The following PALLD variants were observed in gnomAD, a reference collection of about 807,000 sequenced individuals.
PALLD encodes palladin, cytoskeletal associated protein, also known as palladin.
In PALLD, 61 loss-of-function variants were observed where a neutral mutation model predicts 123.5. That is an observed-to-expected ratio of 0.49 (90% CI 0.40 to 0.61). The LOEUF (loss-of-function observed/expected upper bound fraction) is 0.61, where lower values mean the gene tolerates loss of function less well. PALLD is among the 20% of genes least tolerant of loss of function. PALLD has a pLI of 0.00. For missense variants in PALLD, 1,273 were observed against 1,377.0 expected, an observed-to-expected ratio of 0.92 and a Z score of 1.20; for synonymous variants, 465 against 496.4, an observed-to-expected ratio of 0.94 and a Z score of 0.84.
intron 10 of PALLD, among the ~76,000 whole-genome samples, chr4:168,857,145 T>C (rs1748726043): frequency 6.6e-6 from 1 of 152,204 alleles, no homozygotes; most frequent in Non-Finnish European, 1.5e-5. Context: ...TTCCTCGCCC[T>C]CCATGTTTTC....
In PALLD at chr4:168,921,752, CTG is replaced by C; in HGVS notation, c.3058+14_3058+15del. On this transcript the variant is annotated intron_variant, in intron 18 of 21. Coordinates refer to ENST00000505667, the MANE Select transcript of PALLD (RefSeq NM_001166108.2). The stretch of plus-strand genomic sequence containing the variant: ...AGCTTGTGGTTGCTGGTAGGCTCAT[CTG>C]TGAATCCTTGCTCTCTGACAGAATG... 6.3e-7 allele frequency: 1 copy of C among 1,597,674 alleles called. No homozygotes were observed. The highest frequency in any genetic ancestry group is 2.2e-5 in the East Asian group (1 of 44,770).
At chr4:168,925,975 A>AGAT (rs1491469881) in intron 21 of PALLD, among the ~76,000 whole-genome samples, 1 of 152,126 alleles carries the variant, frequency 6.6e-6, no homozygotes, top group African/African-American at 2.4e-5. Context: ...AAAAAAAAAA[A>AGAT]AGATAAACTA....
intron 10 of PALLD, among the ~76,000 whole-genome samples, chr4:168,760,058 A>G (rs1191099152): frequency 6.6e-6 from 1 of 152,042 alleles, no homozygotes; most frequent in Non-Finnish European, 1.5e-5. Flanking sequence ...AAAAAAAAAA[A>G]AAAAATTTAT....
At chr4:168,756,051 C>T (rs1051889679) in intron 10 of PALLD, 1 of 169,892 alleles carries the variant, frequency 5.9e-6, no homozygotes, top group Non-Finnish European at 1.3e-5. Context: ...AGAAGATGAT[C>T]AAGGGCGTTA....
chr4:168,553,604 T>C (rs1224073531), intron 2 of PALLD, among the ~76,000 whole-genome samples: 3 of 152,138 alleles, frequency 2.0e-5, no homozygotes, highest in Non-Finnish European at 4.4e-5. Context: ...CTGGGGTGAA[T>C]TAGACTGAAC....
At chr4:168,801,973 A>T (rs1289807952) in intron 10 of PALLD, among the ~76,000 whole-genome samples, 1 of 152,240 alleles carries the variant, frequency 6.6e-6, no homozygotes, top group Admixed American at 6.5e-5. Flanking sequence ...AGATAGGCTG[A>T]GAAAAGTAGT....
intron 10 of PALLD, 149 bp downstream of exon 10, chr4:168,712,072 T>C: frequency 1.5e-6 from 1 of 677,602 alleles, no homozygotes; most frequent in Admixed American, 2.4e-5. Flanking sequence ...CTTTCAACAA[T>C]ATAAAAGACA....
intron 10 of PALLD, among the ~76,000 whole-genome samples, chr4:168,807,999 C>T (rs962699280): frequency 1.3e-5 from 2 of 152,160 alleles, no homozygotes; most frequent in Admixed American, 1.3e-4. Context: ...AGCCACTGTG[C>T]CTGGCCCAGA....
intron 10 of PALLD, among the ~76,000 whole-genome samples, chr4:168,740,158 T>C (rs916267708): frequency 3.3e-5 from 5 of 152,268 alleles, no homozygotes; most frequent in Middle Eastern, 3.4e-3. Context: ...TTGGGACATA[T>C]GTCAGTAATC....
intron 10 of PALLD, among the ~76,000 whole-genome samples, chr4:168,774,593 C>T (rs748987126): frequency 6.6e-6 from 1 of 151,780 alleles, no homozygotes; most frequent in African/African-American, 2.4e-5. Flanking sequence ...CCGAGTGTGG[C>T]GGTGCACACC....
At chr4:168,805,276 G>A (rs1740015290) in intron 10 of PALLD, among the ~76,000 whole-genome samples, 1 of 152,124 alleles carries the variant, frequency 6.6e-6, no homozygotes, top group African/African-American at 2.4e-5. Flanking sequence ...CATTTCCTAA[G>A]TCTCTAGGCT....
rs538421537 is a variant in PALLD, at chr4:168,913,432, C to T, written c.2623-495C>T. ...CATTACAGGCATGAGCCATCGTGCC[C>T]GGCCAGCCACTAACATTTAATTAGT... On this transcript the variant is annotated intron_variant, in intron 15 of 21. Coordinates refer to ENST00000505667, the MANE Select transcript of PALLD (RefSeq NM_001166108.2). Among the ~76,000 whole-genome samples the T allele has an allele frequency of 5.9e-5, 9 of 152,032 alleles. No homozygotes were observed. In the East Asian group the frequency reaches 9.7e-4, roughly 16 times the overall value.
rs78962766 is a variant in PALLD, at chr4:168,518,723, T to A, written c.908+6311T>A. Among the ~76,000 whole-genome samples the A allele has an allele frequency of 9.5e-3, 1,451 of 152,370 alleles. 26 individuals are homozygous for A. The highest frequency in any genetic ancestry group is 0.033 in the African/African-American group (1,354 of 41,588). ...TACTCTCTATTCCACTCTCTTGCTT[T>A]TCTCCATAGATCTCATGTGATACAC... On this transcript the variant is annotated intron_variant, in intron 2 of 21. Transcript: ENST00000505667.
At chr4:168,502,932 A>T (rs1344855998) in intron 1 of PALLD, among the ~76,000 whole-genome samples, 1 of 152,192 alleles carries the variant, frequency 6.6e-6, no homozygotes, top group Non-Finnish European at 1.5e-5. Context: ...TTAGCTGAAG[A>T]GAGCATGTCC....
At chr4:168,877,971 T>C in intron 10 of PALLD, 2 of 1,502,032 alleles carry the variant, frequency 1.3e-6, no homozygotes, top group Non-Finnish European at 1.8e-6. Context: ...AAGCAGTTCA[T>C]CGCCGCGCAG....
Position 168,926,270 on chromosome 4 carries a change from G to T in PALLD, c.*90G>T, listed in dbSNP as rs1449112727. 1 of 1,537,002 alleles carries T rather than the reference G, an allele frequency of 6.5e-7. No homozygotes were observed. The highest frequency in any genetic ancestry group is 8.7e-7 in the Non-Finnish European group (1 of 1,146,810). ...CCAAAAAAAGTACGGCCCTCAGCCA[G>T]TCGCTATGCAGCACTTTCGGACCAG... On this transcript the variant is annotated 3_prime_UTR_variant, in exon 22 of 22. Coordinates refer to ENST00000505667, the MANE Select transcript of PALLD (RefSeq NM_001166108.2).
At chr4:168,700,477 C>G (rs2150156995) in intron 8 of PALLD, 1 of 152,294 alleles carries the variant, frequency 6.6e-6, no homozygotes, top group East Asian at 1.9e-4. Context: ...CTTTGAAACA[C>G]ACAAAGGAAG....
At chr4:168,503,765 G>C (rs533534567) in intron 1 of PALLD, among the ~76,000 whole-genome samples, 2 of 152,298 alleles carry the variant, frequency 1.3e-5, no homozygotes, top group South Asian at 4.1e-4. Context: ...ATGGTGAGTG[G>C]GCCAGGGAGG....
chr4:168,739,281 C>T (rs1645346750), intron 10 of PALLD, among the ~76,000 whole-genome samples: 1 of 152,044 alleles, frequency 6.6e-6, no homozygotes, highest in Non-Finnish European at 1.5e-5. Flanking sequence ...GGATCAGTAC[C>T]CGGTGGTAGG....
Sources: gnomAD v4.1 joint callset for allele counts (sites outside exome capture counted in the v4.1 genomes callset) on GRCh38, gnomAD v4.1.1 for gene constraint, MANE v1.5 for transcripts, NCBI Gene and HGNC (gene_info 2026-07-23, HGNC 2026-07-21) for gene names.